The following ST18 variants were observed in gnomAD, a reference collection of about 807,000 sequenced individuals.
The protein encoded by ST18 is suppression of tumorigenicity 18 protein.
A neutral mutation model predicts 110.0 loss-of-function variants in ST18; 50 were observed. The observed-to-expected ratio is 0.45, with a 90% CI of 0.36 to 0.58. The LOEUF (loss-of-function observed/expected upper bound fraction) is 0.58, where lower values mean the gene tolerates loss of function less well. Ranked by LOEUF, ST18 falls within the 20% of genes least tolerant of loss-of-function variation. The pLI, the probability that ST18 is intolerant of heterozygous loss-of-function variation, is 0.00. For missense variants in ST18, 1,306 were observed against 1,280.1 expected, an observed-to-expected ratio of 1.02 and a Z score of -0.31; for synonymous variants, 461 against 452.4, an observed-to-expected ratio of 1.02 and a Z score of -0.24.
At chr8:52,248,438 CCA>C (rs1237069175) in intron 2 of ST18, 1 of 152,106 alleles carries the variant, frequency 6.6e-6, no homozygotes, top group Non-Finnish European at 1.5e-5. Context: ...CACTGACAAC[CCA>C]CTTAGCGGAC....
chr8:52,215,177 G>C (rs2083687091), intron 6 of ST18, among the ~76,000 whole-genome samples: 1 of 152,144 alleles, frequency 6.6e-6, no homozygotes, highest in South Asian at 2.1e-4. Context: ...CAATGGTAAT[G>C]GGAGCTGCAT....
chr8:52,176,734 T>A (rs1238891471), intron 9 of ST18, among the ~76,000 whole-genome samples: 1 of 152,260 alleles, frequency 6.6e-6, no homozygotes, highest in Non-Finnish European at 1.5e-5. Context: ...AGATGTTGGC[T>A]GTTCTGCAAA....
chr8:52,312,906 C>T lies in ST18; in HGVS notation c.-464-82829G>A, dbSNP rs553235388. Among the ~76,000 whole-genome samples the T allele has an allele frequency of 3.9e-5, 6 of 152,260 alleles. No individual in the cohort carries two copies. In the South Asian group the frequency reaches 1.0e-3, roughly 26 times the overall value. On this transcript the variant is annotated intron_variant, in intron 2 of 25. Coordinates refer to ENST00000689386, the MANE Select transcript of ST18 (RefSeq NM_001352837.2). ...CCAGGGCAGGAAACAATGCCAGCCC[C>T]TTGGTTTCTAGAGCAAGGGCATGCT...
intron 10 of ST18, among the ~76,000 whole-genome samples, chr8:52,170,066 C>T (rs544639669): frequency 6.6e-6 from 1 of 152,238 alleles, no homozygotes; most frequent in East Asian, 1.9e-4. Context: ...GGTTTCATTG[C>T]CTGTAAGGTA....
intron 2 of ST18, among the ~76,000 whole-genome samples, chr8:52,260,607 G>A (rs1160006830): frequency 6.6e-6 from 1 of 152,156 alleles, no homozygotes; most frequent in Non-Finnish European, 1.5e-5. Context: ...CATTACTAGA[G>A]CTGGAAGCCC....
intron 2 of ST18, among the ~76,000 whole-genome samples, chr8:52,353,545 G>A (rs1466401632): frequency 6.6e-6 from 1 of 152,102 alleles, no homozygotes; most frequent in Non-Finnish European, 1.5e-5. Flanking sequence ...AAATGTATGA[G>A]CAACTAGGAA....
chr8:52,362,426 G>C (rs900368444), intron 2 of ST18, among the ~76,000 whole-genome samples: 2 of 152,142 alleles, frequency 1.3e-5, no homozygotes, highest in Non-Finnish European at 2.9e-5. Flanking sequence ...TTCAAATGCT[G>C]TTTTCATCAA....
At chr8:52,329,340 T>C (rs560305633) in intron 2 of ST18, among the ~76,000 whole-genome samples, 2 of 151,828 alleles carry the variant, frequency 1.3e-5, no homozygotes, top group South Asian at 2.1e-4. Flanking sequence ...GGAAGATTTC[T>C]TACTTCCTGT....
chr8:52,324,658 C>T (rs1187584336), intron 2 of ST18, among the ~76,000 whole-genome samples: 4 of 152,180 alleles, frequency 2.6e-5, no homozygotes, highest in Admixed American at 1.3e-4. Context: ...AAAACCATTT[C>T]AATTACTCTT....
intron 2 of ST18, among the ~76,000 whole-genome samples, chr8:52,338,972 G>A (rs1813557853): frequency 6.6e-6 from 1 of 151,900 alleles, no homozygotes; most frequent in Non-Finnish European, 1.5e-5. Flanking sequence ...CTCAAACTTG[G>A]GCCTCAAGCG....
chr8:52,347,068 C>A (rs1490556940), intron 2 of ST18, among the ~76,000 whole-genome samples: 1 of 152,180 alleles, frequency 6.6e-6, no homozygotes, highest in Non-Finnish European at 1.5e-5. Context: ...CTAGAGTGAT[C>A]CAGCAGTCAG....
At chr8:52,331,271 C>A (rs1809239632) in intron 2 of ST18, among the ~76,000 whole-genome samples, 1 of 151,792 alleles carries the variant, frequency 6.6e-6, no homozygotes. Context: ...TGTTCATATC[C>A]TTTATATATT....
Position 52,132,122 on chromosome 8 carries a change from G to A in ST18, c.2502C>T (p.His834=). The A allele has an allele frequency of 6.2e-7, 1 of 1,614,108 alleles. No individual in the cohort carries two copies. The highest frequency in any genetic ancestry group is 8.5e-7 in the Non-Finnish European group (1 of 1,180,032). The part of the protein sequence containing the change: ...QGHISGKYTS[H]RTASGCPLAA... ...CCAGAGGACAGCCAGAAGCTGTGCG[G>A]TGTGATGTGTATTTACCTGATATGT... Residue 834 remains histidine (H), a synonymous_variant, in exon 22 of 26, where the codon CAC becomes CAT. Transcript: ENST00000689386.
At chr8:52,277,099 T>G (rs1012982473) in intron 2 of ST18, among the ~76,000 whole-genome samples, 1 of 152,240 alleles carries the variant, frequency 6.6e-6, no homozygotes, top group Admixed American at 6.5e-5. Flanking sequence ...TCAGCTGTGT[T>G]GGAGACCTCT....
chr8:52,211,083 G>A (rs1046866320), intron 8 of ST18, among the ~76,000 whole-genome samples: 10 of 152,210 alleles, frequency 6.6e-5, no homozygotes, highest in Non-Finnish European at 1.2e-4. Context: ...AATAGCACAT[G>A]CAGAGAAATG....
intron 2 of ST18, among the ~76,000 whole-genome samples, chr8:52,356,455 C>T (rs2140378499): frequency 6.6e-6 from 1 of 152,222 alleles, no homozygotes; most frequent in Admixed American, 6.5e-5. Flanking sequence ...AACAAGCAAA[C>T]AGTAACAACT....
intron 8 of ST18, chr8:52,206,507 G>A (rs1292296948): frequency 6.6e-6 from 1 of 152,220 alleles, no homozygotes; most frequent in Non-Finnish European, 1.5e-5. Context: ...TTGGTGTGAG[G>A]CCTCCAGCCT....
rs2042509713 is a variant in ST18, at chr8:52,116,285, A to G, written c.2993T>C (p.Leu998Pro). 2 of 1,613,528 alleles carry G rather than the reference A, an allele frequency of 1.2e-6. No individual in the cohort carries two copies. The highest frequency in any genetic ancestry group is 1.7e-6 in the Non-Finnish European group (2 of 1,179,822). The change falls in exon 25 of 26, where the codon CTT becomes CCT. Residue 998 changes from leucine (L) to proline (P), a missense_variant. Leu to Pro is a moderately conservative substitution (Grantham distance 98, BLOSUM62 -3). Coordinates refer to ENST00000689386, the MANE Select transcript of ST18 (RefSeq NM_001352837.2). ...TGGCCTTGAACTTACCATCTGTGGAAGCTGGATGTCAGCAAGGCTTGAAAT... is the reference window on the plus strand; with the variant it reads ...TGGCCTTGAACTTACCATCTGTGGAGGCTGGATGTCAGCAAGGCTTGAAAT... ...ALISSLADIQLPQMGPISEQN... is the reference protein window; with the variant it reads ...ALISSLADIQPPQMGPISEQN...
chr8:52,329,775 A>G (rs1379215906), intron 2 of ST18, among the ~76,000 whole-genome samples: 3 of 152,142 alleles, frequency 2.0e-5, no homozygotes, highest in African/African-American at 7.2e-5. Flanking sequence ...AAAAGAAAGA[A>G]ACAAAAAAAG....
Sources: allele counts gnomAD v4.1 joint callset (sites outside exome capture counted in the v4.1 genomes callset), GRCh38; gene constraint gnomAD v4.1.1; transcripts MANE v1.5; gene names NCBI Gene and HGNC (gene_info 2026-07-23, HGNC 2026-07-21).